The following CCNY variants were observed in gnomAD, a reference collection of about 807,000 sequenced individuals.
The protein encoded by CCNY is cyclin Y.
In CCNY, 19 loss-of-function variants were observed where a neutral mutation model predicts 42.8. The ratio of observed to expected loss-of-function variants is 0.44; its 90% CI spans 0.31 to 0.65. The LOEUF is 0.65. Ranked by LOEUF, CCNY falls within the 30% of genes least tolerant of loss-of-function variation. The pLI is 0.07. For missense variants in CCNY, 370 were observed against 437.3 expected (o/e 0.85, Z 1.37); for synonymous variants, 165 against 162.7 (o/e 1.01, Z -0.11).
chr10:35,563,772 T>C (rs1187422087), intron 8 of CCNY, among the ~76,000 whole-genome samples: 2 of 152,134 alleles, frequency 1.3e-5, no homozygotes, highest in African/African-American at 4.8e-5. Context: ...AGTGGGGCAA[T>C]CTCGGCTCAC....
intron 1 of CCNY, among the ~76,000 whole-genome samples, chr10:35,395,965 C>T (rs527520150): frequency 2.8e-4 from 42 of 152,076 alleles, no homozygotes; most frequent in Admixed American, 5.9e-4. Context: ...TGCATAGGGC[C>T]CCCGAGAGAG....
chr10:35,510,325 C>T (rs1179336740), intron 3 of CCNY, among the ~76,000 whole-genome samples: 1 of 152,170 alleles, frequency 6.6e-6, no homozygotes, highest in East Asian at 1.9e-4. Flanking sequence ...ACCGATCTTC[C>T]TGCCTCAGCC....
intron 4 of CCNY, 54 bp from the exon 5 acceptor site, chr10:35,525,910 G>A (rs1840641973): frequency 6.6e-7 from 1 of 1,513,458 alleles, no homozygotes; most frequent in African/African-American, 1.4e-5. Flanking sequence ...CAGGTAATGT[G>A]TAAGGTCTTG....
chr10:35,326,057 C>T (rs979989576), intron 3 of CCNY, among the ~76,000 whole-genome samples: 1 of 152,094 alleles, frequency 6.6e-6, no homozygotes, highest in Non-Finnish European at 1.5e-5. Flanking sequence ...ACCTAGGCAA[C>T]AGGGCAAGAC....
chr10:35,337,095 G>A lies in CCNY; in HGVS notation c.42G>A (p.Lys14=), dbSNP rs559265116. 24 of 1,595,612 alleles carry A rather than the reference G, an allele frequency of 1.5e-5. No homozygotes were observed. In the South Asian group the frequency reaches 2.3e-4, roughly 15 times the overall value. ...TTSCCVSSSP[K]LRRNAHSRLE... ...CGTGCTGCGTGTCGTCCAGTCCCAA[G>A]CTCCGGAGGAATGCCCACTCCCGGC... The change falls in exon 1 of 10, where the codon AAG becomes AAA. Residue 14 remains lysine (K), a synonymous_variant. Transcript: ENST00000374704.
intron 3 of CCNY, among the ~76,000 whole-genome samples, chr10:35,307,833 T>C (rs1249197499): frequency 1.6e-5 from 2 of 122,278 alleles, no homozygotes; most frequent in African/African-American, 5.7e-5. Flanking sequence ...TTTTTTTTTT[T>C]CTGAGATGGA....
At chr10:35,304,057 A>C (rs1017147731) in intron 3 of CCNY, among the ~76,000 whole-genome samples, 2 of 152,148 alleles carry the variant, frequency 1.3e-5, no homozygotes, top group Non-Finnish European at 2.9e-5. Flanking sequence ...CACATGCTCC[A>C]GTTTCTCCGT....
At chr10:35,553,847 T>TGA (rs1354681784) in intron 8 of CCNY, among the ~76,000 whole-genome samples, 3 of 152,026 alleles carry the variant, frequency 2.0e-5, no homozygotes, top group Non-Finnish European at 4.4e-5. Flanking sequence ...TGAGGATTAT[T>TGA]AGTAGGACAC....
At chr10:35,263,434 G>A (rs1447098543) in intron 3 of CCNY, among the ~76,000 whole-genome samples, 3 of 151,064 alleles carry the variant, frequency 2.0e-5, no homozygotes, top group Non-Finnish European at 4.4e-5. Flanking sequence ...CCAGCTACTC[G>A]GGAGGCTGAG....
intron 3 of CCNY, among the ~76,000 whole-genome samples, chr10:35,305,681 T>C (rs1017934439): frequency 1.3e-5 from 2 of 152,186 alleles, no homozygotes; most frequent in African/African-American, 4.8e-5. Flanking sequence ...TCTAATATCT[T>C]CTTGTTTCTG....
chr10:35,256,203 C>T (rs2095715337), intron 3 of CCNY, among the ~76,000 whole-genome samples: 3 of 152,138 alleles, frequency 2.0e-5, no homozygotes, highest in African/African-American at 4.8e-5. Context: ...AAAGAGATCA[C>T]TGATAAGGTG....
In CCNY at chr10:35,528,661, G is replaced by A. The variant is rs550743696; in HGVS notation, c.402-1312G>A. Among the ~76,000 whole-genome samples the A allele has an allele frequency of 3.9e-5, 6 of 152,322 alleles. No homozygotes were observed. In the South Asian group the frequency reaches 1.2e-3, roughly 32 times the overall value. On this transcript the variant is annotated intron_variant, in intron 5 of 9. Transcript: ENST00000374704. ...AATCGCTTGAACCCGGGAGGTGGAG[G>A]TTGCAGTGAGCCGAGATTGCACCAG...
At chr10:35,297,943 C>A (rs1454537667) in intron 3 of CCNY, among the ~76,000 whole-genome samples, 1 of 151,686 alleles carries the variant, frequency 6.6e-6, no homozygotes, top group Non-Finnish European at 1.5e-5. Flanking sequence ...TTTAACATCA[C>A]TCCTATCAAA....
At chr10:35,357,102 T>TCCCGCATCAC (rs56141951) in intron 1 of CCNY, among the ~76,000 whole-genome samples, 2 of 149,722 alleles carry the variant, frequency 1.3e-5, no homozygotes, top group Non-Finnish European at 3.0e-5. Context: ...CTTTTGGGCA[T>TCCCGCATCAC]CCCGCATCAC....
Position 35,459,893 on chromosome 10 carries a change from A to G in CCNY, c.155-23511A>G, listed in dbSNP as rs547167598. Among the ~76,000 whole-genome samples the G allele has an allele frequency of 1.6e-4, 24 of 152,306 alleles. No individual in the cohort carries two copies. In the South Asian group the frequency reaches 4.6e-3, roughly 29 times the overall value. ...GGAGGGAGTACTTTATACCAGGACTAACAAGTACAGCTAACTGATCTTCCA... is the reference window on the plus strand; with the variant it reads ...GGAGGGAGTACTTTATACCAGGACTGACAAGTACAGCTAACTGATCTTCCA... On this transcript the variant is annotated intron_variant, in intron 1 of 9. Coordinates refer to ENST00000374704, the MANE Select transcript of CCNY (RefSeq NM_145012.6).
chr10:35,307,974 C>G (rs1272446795), intron 3 of CCNY, among the ~76,000 whole-genome samples: 1 of 151,030 alleles, frequency 6.6e-6, no homozygotes, highest in South Asian at 2.1e-4. Flanking sequence ...ACCACCATCA[C>G]GTCCAGCTAA....
upstream of CCNY, among the ~76,000 whole-genome samples, chr10:35,333,488 A>G (rs1019805693): frequency 6.6e-6 from 1 of 152,154 alleles, no homozygotes; most frequent in Non-Finnish European, 1.5e-5. Flanking sequence ...GAAAAAAGAG[A>G]AGGAGAGAAG....
At chr10:35,565,907 C>T in intron 8 of CCNY, 116 bp from the exon 9 acceptor site, 1 of 996,974 alleles carries the variant, frequency 1.0e-6, no homozygotes, top group Non-Finnish European at 1.5e-6. Flanking sequence ...ACTTAGATCA[C>T]TGGTCTTCCT....
At chr10:35,505,283 A>T (rs1361303532) in intron 3 of CCNY, among the ~76,000 whole-genome samples, 1 of 152,094 alleles carries the variant, frequency 6.6e-6, no homozygotes, top group East Asian at 1.9e-4. Flanking sequence ...TTAAAAAAAA[A>T]AAAAAGATGT....
Sources: gnomAD v4.1 joint callset for allele counts (sites outside exome capture counted in the v4.1 genomes callset) on GRCh38, gnomAD v4.1.1 for gene constraint, MANE v1.5 for transcripts, NCBI Gene and HGNC (gene_info 2026-07-23, HGNC 2026-07-21) for gene names.